The following TBC1D2B variants were observed in gnomAD, a reference collection of about 807,000 sequenced individuals.
TBC1D2B encodes the protein TBC1 domain family member 2B.
TBC1D2B carries 64 observed loss-of-function variants against 100.8 expected under a neutral mutation model. That is an observed-to-expected ratio of 0.64 (90% CI 0.52 to 0.78). TBC1D2B has a LOEUF of 0.78. Among genes scored for constraint, TBC1D2B ranks in the 30% least tolerant of loss-of-function variants. TBC1D2B has a pLI of 0.00. For synonymous variants in TBC1D2B, 480 were observed against 479.7 expected, an observed-to-expected ratio of 1.00 and a Z score of -0.01; for missense variants, 1,052 against 1,218.4, an observed-to-expected ratio of 0.86 and a Z score of 2.03.
At chr15:78,029,927 C>T in intron 4 of TBC1D2B, 80 bp downstream of exon 4, 1 of 1,213,780 alleles carries the variant, frequency 8.2e-7, no homozygotes, top group African/African-American at 1.5e-5. Context: ...GAAATACCTG[C>T]TAATAATGTG....
intron 2 of TBC1D2B, among the ~76,000 whole-genome samples, chr15:78,051,950 C>T (rs2073322331): frequency 6.6e-6 from 1 of 152,178 alleles, no homozygotes; most frequent in South Asian, 2.1e-4. Flanking sequence ...CCTTGTTCTT[C>T]GAAGCTATCT....
At chr15:77,999,418 G>A (rs1364761948) in intron 12 of TBC1D2B, 2 of 379,606 alleles carry the variant, frequency 5.3e-6, no homozygotes, top group East Asian at 7.8e-5. Flanking sequence ...TCGTCCAGAG[G>A]CTTAAGGTCA....
intron 2 of TBC1D2B, among the ~76,000 whole-genome samples, chr15:78,050,153 G>A (rs546284442): frequency 5.0e-4 from 76 of 152,152 alleles, no homozygotes; most frequent in Middle Eastern, 3.4e-3. Flanking sequence ...ATCCTGCACC[G>A]AGAGCACTGC....
At chr15:78,051,401 C>A (rs2073310553) in intron 2 of TBC1D2B, among the ~76,000 whole-genome samples, 1 of 152,198 alleles carries the variant, frequency 6.6e-6, no homozygotes, top group South Asian at 2.1e-4. Flanking sequence ...AGTTTCCTAA[C>A]CCTGTACTAC....
At chr15:78,053,606 A>G (rs753807858) in intron 2 of TBC1D2B, among the ~76,000 whole-genome samples, 11 of 152,252 alleles carry the variant, frequency 7.2e-5, no homozygotes, top group Non-Finnish European at 1.2e-4. Context: ...AAGTCTTCCT[A>G]AGAAACACTA....
chr15:78,052,954 C>A (rs564841114), intron 2 of TBC1D2B, among the ~76,000 whole-genome samples: 1 of 152,260 alleles, frequency 6.6e-6, no homozygotes, highest in Non-Finnish European at 1.5e-5. Flanking sequence ...CTAAGACAGT[C>A]GTGAAAGTGA....
At chr15:78,056,114 T>C (rs190523897) in intron 1 of TBC1D2B, among the ~76,000 whole-genome samples, 39 of 152,316 alleles carry the variant, frequency 2.6e-4, no homozygotes, top group African/African-American at 8.4e-4. Context: ...AGGCACATAG[T>C]AGGTCAGTAT....
intron 1 of TBC1D2B, among the ~76,000 whole-genome samples, chr15:78,065,869 A>C (rs1446342575): frequency 6.6e-6 from 1 of 152,098 alleles, no homozygotes; most frequent in Non-Finnish European, 1.5e-5. Flanking sequence ...GAACCCGCCT[A>C]GTCTTTCAGT....
rs377482060 is a variant in TBC1D2B, at chr15:78,024,312, C to T, written c.1314G>A (p.Glu438=). ...TGGTCTCCATGAGCATTCCCAGCTG[C>T]TCGTTGAGCTCGCCCACTTTGCTCT... is the stretch of plus-strand genomic sequence containing the variant. ...TLKSKVGELN[E]QLGMLMETIQ... is the part of the protein sequence containing the mutation. The change falls in exon 6 of 13, where the codon GAG becomes GAA. Residue 438 remains glutamate, a synonymous_variant. Coordinates refer to ENST00000300584, the MANE Select transcript of TBC1D2B (RefSeq NM_144572.2). The T allele has an allele frequency of 1.5e-5, 24 of 1,613,958 alleles. No homozygotes were observed. Among genetic ancestry groups the T allele is most frequent in the Non-Finnish European group, 2.0e-5 (24 of 1,179,902 alleles).
At chr15:78,068,544 T>C (rs1047834975) in intron 1 of TBC1D2B, among the ~76,000 whole-genome samples, 6 of 152,152 alleles carry the variant, frequency 3.9e-5, no homozygotes, top group Non-Finnish European at 7.4e-5. Context: ...GGTGATGCTC[T>C]GGTAGGACAC....
chr15:78,014,461 C>T (rs1416172706), intron 8 of TBC1D2B, among the ~76,000 whole-genome samples: 1 of 152,170 alleles, frequency 6.6e-6, no homozygotes, highest in Admixed American at 6.5e-5. Context: ...AACTCTCTCA[C>T]GTGGGCACAT....
At chr15:78,012,632 A>C (rs1185396323) in intron 9 of TBC1D2B, among the ~76,000 whole-genome samples, 191 bp downstream of exon 9, 1 of 152,232 alleles carries the variant, frequency 6.6e-6, no homozygotes, top group African/African-American at 2.4e-5. Context: ...ACTTTCTAAA[A>C]GCATGCTTTT....
rs1481380049 is a variant in TBC1D2B at position 78,077,434 on chromosome 15, C to A, written c.219G>T (p.Pro73=). The A allele has an allele frequency of 5.8e-6, 9 of 1,544,938 alleles. No homozygotes were observed. The highest frequency in any genetic ancestry group is 2.0e-5 in the Admixed American group (1 of 50,714). Reference sequence around the variant, plus strand: ...AGTGGCCGAGGGGCAGCGCGTCCTGCGGACTCTTGAAATAGTAAAGGTAGC... The same window carrying A: ...AGTGGCCGAGGGGCAGCGCGTCCTGAGGACTCTTGAAATAGTAAAGGTAGC... ...RRCYLYYFKS[P]QDALPLGHLD... The change falls in exon 1 of 13, where the codon CCG becomes CCT. Residue 73 remains proline, a synonymous_variant. Coordinates refer to ENST00000300584, the MANE Select transcript of TBC1D2B (RefSeq NM_144572.2).
chr15:78,040,809 GAAA>G (rs1226729216), intron 3 of TBC1D2B, among the ~76,000 whole-genome samples: 4 of 77,342 alleles, frequency 5.2e-5, no homozygotes, highest in Non-Finnish European at 1.1e-4. Context: ...AAGAAAGAAA[GAAA>G]AAGCAAGAAA....
At chr15:78,037,719 G>C (rs1455802625) in intron 3 of TBC1D2B, among the ~76,000 whole-genome samples, 1 of 152,174 alleles carries the variant, frequency 6.6e-6, no homozygotes, top group Non-Finnish European at 1.5e-5. Context: ...TGGGGGCCAG[G>C]ACATCAATTA....
At chr15:78,000,014 T>C (rs910405816) in intron 12 of TBC1D2B, among the ~76,000 whole-genome samples, 4 of 152,254 alleles carry the variant, frequency 2.6e-5, no homozygotes, top group African/African-American at 7.2e-5. Context: ...ATCGCTGTGC[T>C]GCAGGACTGG....
chr15:78,046,917 C>T (rs977344361), intron 2 of TBC1D2B, among the ~76,000 whole-genome samples: 3 of 152,194 alleles, frequency 2.0e-5, no homozygotes, highest in Middle Eastern at 3.2e-3. Flanking sequence ...TCCTGAATGC[C>T]ACATGATGGG....
At chr15:78,040,880 A>AAGAAAGAAAGAAAGAAAGAG (rs1275983230) in intron 3 of TBC1D2B, among the ~76,000 whole-genome samples, 49 of 147,956 alleles carry the variant, frequency 3.3e-4, no homozygotes, top group African/African-American at 4.8e-4. Context: ...GAAAGAAAGA[A>AAGAAAGAAAGAAAGAAAGAG]AGAGAGAGAG....
chr15:78,077,047 G>A (rs1012294666), intron 1 of TBC1D2B, among the ~76,000 whole-genome samples: 1 of 152,254 alleles, frequency 6.6e-6, no homozygotes, highest in African/African-American at 2.4e-5. Context: ...GGCGCAGAGG[G>A]AGATAATGGG....
Sources: gnomAD v4.1 joint callset for allele counts (sites outside exome capture counted in the v4.1 genomes callset) on GRCh38, gnomAD v4.1.1 for gene constraint, MANE v1.5 for transcripts, NCBI Gene and HGNC (gene_info 2026-07-23, HGNC 2026-07-21) for gene names.